SEMA3A: variants seen among roughly 807,000 people sequenced by gnomAD.
SEMA3A encodes the protein semaphorin-3A.
A neutral mutation model predicts 97.9 loss-of-function variants in SEMA3A; 29 were observed. The observed-to-expected ratio is 0.30, with a 90% CI of 0.22 to 0.40. The LOEUF (loss-of-function observed/expected upper bound fraction) is 0.40. SEMA3A is among the 10% of genes least tolerant of loss of function. The probability of loss-of-function intolerance (pLI) is 1.00; values close to 1 mark genes in which losing one functional copy is unlikely to be tolerated. For synonymous variants in SEMA3A, 321 were observed against 323.7 expected (o/e 0.99, Z 0.09); for missense variants, 763 against 951.3 (o/e 0.80, Z 2.60).
intron 12 of SEMA3A, among the ~76,000 whole-genome samples, chr7:83,993,936 A>G (rs4425643): frequency 0.65 from 56,102 of 86,318 alleles, 18,379 homozygotes; most frequent in East Asian, 0.81. Context: ...CATTCTCCCC[A>G]TCACTTTCAG....
chr7:83,955,876 T>C lies in SEMA3A; in HGVS notation c.*5495A>G, dbSNP rs906374722. 6.6e-6 allele frequency: 1 copy of C among 152,194 alleles called. No individual in the cohort carries two copies. The highest frequency in any genetic ancestry group is 2.4e-5 in the African/African-American group (1 of 41,452). 9.4% of individuals were successfully genotyped at this position (152,194 alleles called of 1,614,324 possible). On this transcript the variant is annotated 3_prime_UTR_variant, in exon 17 of 17. Transcript: ENST00000265362. The stretch of plus-strand genomic sequence containing the variant: ...AGCCTTCACATTACCTGAATTGTGA[T>C]GACATGAACACATCTATAAAAACTT...
chr7:84,159,464 C>T (rs904333199), intron 1 of SEMA3A, among the ~76,000 whole-genome samples: 2 of 152,090 alleles, frequency 1.3e-5, no homozygotes, highest in African/African-American at 4.8e-5. Flanking sequence ...AAATGTATTT[C>T]TCTCCAGGAA....
Position 84,358,310 on chromosome 7 carries a change from T to G in SEMA3A, c.-169+13514A>C, listed in dbSNP as rs181128927. On this transcript the variant is annotated intron_variant, in intron 2 of 3. Coordinates refer to the SEMA3A transcript ENST00000424555. ...CTTTAATCCATCTTGAATTAATTTT[T>G]GTATAAGGTGTAAGGAAGGGATCCA... 4.6e-3 allele frequency among the ~76,000 whole-genome samples: 702 copies of G among 152,298 alleles called. 6 individuals are homozygous for G. Among genetic ancestry groups the G allele is most frequent in the African/African-American group, 0.016 (654 of 41,552 alleles).
At chr7:84,133,775 G>A (rs1796032586) in intron 2 of SEMA3A, among the ~76,000 whole-genome samples, 1 of 151,660 alleles carries the variant, frequency 6.6e-6, no homozygotes, top group South Asian at 2.1e-4. Context: ...AAAAGGCCGG[G>A]CGCGGTGGCT....
In SEMA3A at chr7:84,099,734, A is replaced by T. The variant is rs1319254815; in HGVS notation, c.453+10736T>A. ...CTTATGAGATCTGGCTATTATTTAG[A>T]TATCTTGATGTTTTCATTTGAGAAT... On this transcript the variant is annotated intron_variant, in intron 4 of 16. Transcript: ENST00000265362. 2.0e-5 allele frequency among the ~76,000 whole-genome samples: 3 copies of T among 152,102 alleles called. No individual in the cohort carries two copies. In the South Asian group the frequency reaches 6.2e-4, roughly 31 times the overall value.
chr7:84,458,737 T>C (rs1805748784), intron 1 of SEMA3A, among the ~76,000 whole-genome samples: 1 of 152,138 alleles, frequency 6.6e-6, no homozygotes, highest in African/African-American at 2.4e-5. Context: ...TTGATACATA[T>C]ATACAATGTT....
intron 1 of SEMA3A, among the ~76,000 whole-genome samples, chr7:84,413,233 C>T (rs572576805): frequency 6.6e-6 from 1 of 152,102 alleles, no homozygotes; most frequent in Non-Finnish European, 1.5e-5. Flanking sequence ...CATAGCCTCT[C>T]TAAGTGAAGG....
intron 1 of SEMA3A, among the ~76,000 whole-genome samples, chr7:84,135,762 A>T (rs1469324919): frequency 6.6e-6 from 1 of 152,136 alleles, no homozygotes; most frequent in African/African-American, 2.4e-5. Context: ...TAAATGATTC[A>T]CTGTACTGCC....
rs969331479 is a variant in SEMA3A, at chr7:84,282,937, C to T, written c.-83+24270G>A. ...GCTGAGGCAGGAGAATCGCTTGAAC[C>T]TGGAAGGTGGAGGTTGCAGCGAACA... On this transcript the variant is annotated intron_variant, in intron 3 of 3. Transcript: ENST00000424555. Among the ~76,000 whole-genome samples the T allele has an allele frequency of 2.0e-5, 3 of 151,976 alleles. No homozygotes were observed. The East Asian group carries it at 5.8e-4, about 29-fold the overall frequency.
chr7:83,980,603 C>CAAAAAAAAAAAAAACAAAAAAAAA (rs1789353637), intron 14 of SEMA3A, among the ~76,000 whole-genome samples: 1 of 53,968 alleles, frequency 1.9e-5, no homozygotes, highest in African/African-American at 7.3e-5. Flanking sequence ...GACTCCATCT[C>CAAAAAAAAAAAAAACAAAAAAAAA]AAAAAAAAAA....
intron 4 of SEMA3A, among the ~76,000 whole-genome samples, chr7:84,067,569 T>G (rs2115734173): frequency 6.6e-6 from 1 of 152,082 alleles, no homozygotes; most frequent in South Asian, 2.1e-4. Context: ...CTCAAACAAA[T>G]TTACAAGAAA....
At chr7:84,365,020 CA>C (rs1802812313) in intron 2 of SEMA3A, among the ~76,000 whole-genome samples, 1 of 151,394 alleles carries the variant, frequency 6.6e-6, no homozygotes, top group South Asian at 2.1e-4. Context: ...CCTGCCTTAC[CA>C]TTACCTTGTG....
chr7:83,988,725 C>T (rs1035954180), intron 12 of SEMA3A, among the ~76,000 whole-genome samples: 22 of 151,808 alleles, frequency 1.4e-4, no homozygotes, highest in Admixed American at 1.4e-3. Context: ...TAATTTTACA[C>T]AAAAATTATC....
At chr7:84,267,532 T>C (rs1461788530) in intron 3 of SEMA3A, among the ~76,000 whole-genome samples, 7 of 152,132 alleles carry the variant, frequency 4.6e-5, no homozygotes, top group Non-Finnish European at 1.0e-4. Context: ...TCTTTAAAAA[T>C]GTAATTTTTT....
At chr7:84,318,056 CAAT>C (rs1801552667) in intron 2 of SEMA3A, among the ~76,000 whole-genome samples, 1 of 152,010 alleles carries the variant, frequency 6.6e-6, no homozygotes, top group African/African-American at 2.4e-5. Flanking sequence ...AATGAATAAA[CAAT>C]AACAAATTCT....
intron 3 of SEMA3A, among the ~76,000 whole-genome samples, chr7:84,306,225 A>AT (rs1368113897): frequency 6.6e-6 from 1 of 151,812 alleles, no homozygotes; most frequent in East Asian, 1.9e-4. Context: ...TTTTTCATAA[A>AT]TTTTTTACTT....
chr7:84,445,516 A>AAAAAAAAAAAAAAAAAG (rs1805391070), intron 1 of SEMA3A, among the ~76,000 whole-genome samples: 5 of 123,738 alleles, frequency 4.0e-5, no homozygotes, highest in East Asian at 2.7e-4. Flanking sequence ...AAAAAAAAAA[A>AAAAAAAAAAAAAAAAAG]AAAAGAAAAG....
chr7:84,350,556 G>A (rs964677407), intron 2 of SEMA3A, among the ~76,000 whole-genome samples: 3 of 152,050 alleles, frequency 2.0e-5, no homozygotes, highest in African/African-American at 7.2e-5. Context: ...TGGGGTAATT[G>A]CATTCCATAT....
intron 2 of SEMA3A, among the ~76,000 whole-genome samples, chr7:84,319,711 ACTT>A (rs1424752869): frequency 6.6e-6 from 1 of 152,190 alleles, no homozygotes; most frequent in Non-Finnish European, 1.5e-5. Context: ...ATCACAATAT[ACTT>A]CTTTTGTAAA....
Sources: allele counts gnomAD v4.1 joint callset (sites outside exome capture counted in the v4.1 genomes callset), GRCh38; gene constraint gnomAD v4.1.1; transcripts MANE v1.5; gene names NCBI Gene and HGNC (gene_info 2026-07-23, HGNC 2026-07-21).